MFSD6: variants seen among roughly 807,000 people sequenced by gnomAD.
MFSD6 encodes the protein major facilitator superfamily domain containing 6, also known as major facilitator superfamily domain-containing protein 6.
MFSD6 carries 26 observed loss-of-function variants against 56.3 expected under a neutral mutation model. That is an observed-to-expected ratio of 0.46 (90% CI 0.34 to 0.64). The LOEUF (loss-of-function observed/expected upper bound fraction) is 0.64, where lower values mean the gene tolerates loss of function less well. Among genes scored for constraint, MFSD6 ranks in the 30% least tolerant of loss-of-function variants. The pLI is 0.01. For missense variants in MFSD6, 750 were observed against 986.2 expected (o/e 0.76, Z 3.21); for synonymous variants, 331 against 366.9 (o/e 0.90, Z 1.12).
Position 190,443,230 on chromosome 2 carries a change from G to A in MFSD6, c.1532+5669G>A, listed in dbSNP as rs1324416502. The stretch of plus-strand genomic sequence containing the variant: ...AACAGGACTTTAAGGATTGTATGGT[G>A]GTTACGAGCAGAGGCTGAGTCAGAT... On this transcript the variant is annotated intron_variant, in intron 3 of 7. Transcript: ENST00000392328. The surrounding 1 kb of genome is among the most constrained non-coding windows in gnomAD (Gnocchi z 4.2). Among the ~76,000 whole-genome samples, 2 of 152,116 alleles carry A rather than the reference G, an allele frequency of 1.3e-5. No individual in the cohort carries two copies. Among genetic ancestry groups the A allele is most frequent in the Admixed American group, 1.3e-4 (2 of 15,270 alleles).
chr2:190,471,521 A>G lies in MFSD6; in HGVS notation c.1630+1666A>G, dbSNP rs2125152493. On this transcript the variant is annotated intron_variant, in intron 4 of 7. Transcript: ENST00000392328. This position sits in a 1 kb window ranked among gnomAD's most constrained non-coding sequence, Gnocchi z 4.7. ...GCACAGCAGTCTGAGATCAAACTGC[A>G]AGGCGGCAGTGAGGCTGGGGGAGGG... Among the ~76,000 whole-genome samples the G allele has an allele frequency of 6.6e-6, 1 of 152,332 alleles. No individual in the cohort carries two copies. The highest frequency in any genetic ancestry group is 2.4e-5 in the African/African-American group (1 of 41,568).
chr2:190,491,100 T>C lies in MFSD6; in HGVS notation c.1891+1234T>C, dbSNP rs1483312901. 6.6e-6 allele frequency among the ~76,000 whole-genome samples: 1 copy of C among 152,172 alleles called. No homozygotes were observed. Among genetic ancestry groups the C allele is most frequent in the Admixed American group, 6.5e-5 (1 of 15,278 alleles). ...TGGACTTGAATATCTTTGCTATTAA[T>C]CACAAAAAAATTTAAAATCATTAAT... On this transcript the variant is annotated intron_variant, in intron 6 of 7. Transcript: ENST00000392328. This position sits in a 1 kb window ranked among gnomAD's most constrained non-coding sequence, Gnocchi z 4.2.
Position 190,496,397 on chromosome 2 carries a change from T to A in MFSD6, c.1892-1042T>A, listed in dbSNP as rs1689679783. Among the ~76,000 whole-genome samples the A allele has an allele frequency of 6.6e-6, 1 of 152,192 alleles. No individual in the cohort carries two copies. The highest frequency in any genetic ancestry group is 6.5e-5 in the Admixed American group (1 of 15,284). On this transcript the variant is annotated intron_variant, in intron 6 of 7. Coordinates refer to ENST00000392328, the MANE Select transcript of MFSD6 (RefSeq NM_017694.4). This position sits in a 1 kb window ranked among gnomAD's most constrained non-coding sequence, Gnocchi z 4.7. ...ACACTGCTGGTAGGAATGTAAGCTG[T>A]ACAAACACTATGGAAAACAGTGTGG...
rs2125236185 is a variant in MFSD6, at chr2:190,488,856, T to C, written c.1792+38T>C. On this transcript the variant is annotated intron_variant, in intron 5 of 7. Coordinates refer to ENST00000392328, the MANE Select transcript of MFSD6 (RefSeq NM_017694.4). This position sits in a 1 kb window ranked among gnomAD's most constrained non-coding sequence, Gnocchi z 6.4. ...TTCTCCTTTTTTTTCTTTTCTATTA[T>C]TAAAACATGATTTTTTCCAGCAATA... 1 of 1,495,424 alleles carries C rather than the reference T, an allele frequency of 6.7e-7. No homozygotes were observed. Among genetic ancestry groups the C allele is most frequent in the Middle Eastern group, 1.8e-4 (1 of 5,560 alleles). 92.6% of individuals were successfully genotyped at this position (1,495,424 alleles called of 1,614,324 possible).
intron 3 of MFSD6, among the ~76,000 whole-genome samples, chr2:190,453,349 G>A (rs532653608): frequency 6.6e-6 from 1 of 152,258 alleles, no homozygotes; most frequent in South Asian, 2.1e-4. Context: ...ATGAGATGGG[G>A]AGGATGCCCA....
At position 190,415,648 on chromosome 2, in the gene MFSD6, T is replaced by C. The variant is rs1575814495; in HGVS notation, c.-54+235T>C. On this transcript the variant is annotated intron_variant, in intron 2 of 7. Coordinates refer to ENST00000392328, the MANE Select transcript of MFSD6 (RefSeq NM_017694.4). This position sits in a 1 kb window ranked among gnomAD's most constrained non-coding sequence, Gnocchi z 4.5. ...CATTAGAATTGATAGCTTATGGTAA[T>C]TCTCAAGTTATCAGAACCCTAACAG... Among the ~76,000 whole-genome samples, 1 of 152,318 alleles carries C rather than the reference T, an allele frequency of 6.6e-6. No individual in the cohort carries two copies. Among genetic ancestry groups the C allele is most frequent in the East Asian group, 1.9e-4 (1 of 5,190 alleles).
rs1687333027 is a variant in MFSD6, at chr2:190,461,603, T to C, written c.1533-8155T>C. On this transcript the variant is annotated intron_variant, in intron 3 of 7. Coordinates refer to ENST00000392328, the MANE Select transcript of MFSD6 (RefSeq NM_017694.4). The surrounding 1 kb of genome is among the most constrained non-coding windows in gnomAD (Gnocchi z 5.5). The stretch of plus-strand genomic sequence containing the variant: ...GTTCGGTGACTGGTAAAGGCCTCGT[T>C]CTCTGCCTCCCAGATAGCACCTTGA... 6.6e-6 allele frequency among the ~76,000 whole-genome samples: 1 copy of C among 152,154 alleles called. No homozygotes were observed. Among genetic ancestry groups the C allele is most frequent in the African/African-American group, 2.4e-5 (1 of 41,428 alleles).
At position 190,437,304 on chromosome 2, in the gene MFSD6, C is replaced by T. The variant is rs2125052104; in HGVS notation, c.1275C>T (p.Thr425=). The change falls in exon 3 of 8, where the codon ACC becomes ACT. Residue 425 remains threonine, a synonymous_variant. Transcript: ENST00000392328. The surrounding 1 kb of genome is among the most constrained non-coding windows in gnomAD (Gnocchi z 5.9). ...CAGAGTCCTCTGAGGAGACACCAAC[C>T]ACCACAAGCCACTCGCAGGCCTTCA... is the stretch of plus-strand genomic sequence containing the variant. The part of the protein sequence containing the change: ...NSTESSEETP[T]TTSHSQAFNF... 1 of 1,614,268 alleles carries T rather than the reference C, an allele frequency of 6.2e-7. No individual in the cohort carries two copies. The highest frequency in any genetic ancestry group is 1.6e-4 in the Middle Eastern group (1 of 6,062).
intron 2 of MFSD6, among the ~76,000 whole-genome samples, chr2:190,420,371 C>T (rs1456372163): frequency 3.9e-5 from 6 of 151,984 alleles, no homozygotes; most frequent in Admixed American, 2.0e-4. Context: ...AGAGTTGCCT[C>T]CTCTTATAAG....
At chr2:190,473,913 A>T (rs1469415142) in intron 4 of MFSD6, among the ~76,000 whole-genome samples, 1 of 152,182 alleles carries the variant, frequency 6.6e-6, no homozygotes, top group African/African-American at 2.4e-5. Flanking sequence ...TAAGAAACTC[A>T]CTCAAAACTG....
rs1252870121 is a variant in MFSD6, at chr2:190,463,585, C to CTG, written c.1533-6172_1533-6171dup. On this transcript the variant is annotated intron_variant, in intron 3 of 7. Transcript: ENST00000392328. This position sits in a 1 kb window ranked among gnomAD's most constrained non-coding sequence, Gnocchi z 4.4. Reference sequence around the variant, plus strand: ...CTATAATCCCAGCAACTTTGGGAGGCTGAGATAGGAGGATTGCTTGAGCCC... The same window carrying CTG: ...CTATAATCCCAGCAACTTTGGGAGGCTGTGAGATAGGAGGATTGCTTGAGCCC... 3.3e-5 allele frequency among the ~76,000 whole-genome samples: 5 copies of CTG among 152,288 alleles called. No individual in the cohort carries two copies. The East Asian group carries it at 9.6e-4, about 29-fold the overall frequency.
chr2:190,444,909 T>C, intron 3 of MFSD6: 4 of 823,946 alleles, frequency 4.9e-6, no homozygotes, highest in Non-Finnish European at 5.9e-6. Flanking sequence ...ATCTTTTTCC[T>C]TGTTTTTGCA....
In MFSD6 at chr2:190,492,813, C is replaced by A. The variant is rs1384461936; in HGVS notation, c.1891+2947C>A. On this transcript the variant is annotated intron_variant, in intron 6 of 7. Coordinates refer to ENST00000392328, the MANE Select transcript of MFSD6 (RefSeq NM_017694.4). The surrounding 1 kb of genome is among the most constrained non-coding windows in gnomAD (Gnocchi z 5.2). ...TACCAAGCCAGCACTCCAAGAACTACCAAGCCAGAACTACAAGAATTTGCC... is the reference window on the plus strand; with the variant it reads ...TACCAAGCCAGCACTCCAAGAACTAACAAGCCAGAACTACAAGAATTTGCC... 6.6e-6 allele frequency among the ~76,000 whole-genome samples: 1 copy of A among 151,934 alleles called. No individual in the cohort carries two copies. Among genetic ancestry groups the A allele is most frequent in the Non-Finnish European group, 1.5e-5 (1 of 67,982 alleles).
rs1316703653 is a variant in MFSD6, at chr2:190,434,408, G to A, written c.-53-1569G>A. 1.3e-5 allele frequency among the ~76,000 whole-genome samples: 2 copies of A among 151,962 alleles called. No homozygotes were observed. The highest frequency in any genetic ancestry group is 2.9e-5 in the Non-Finnish European group (2 of 67,998). ...TATATAAATGTATATTGCTAATATC[G>A]TATATGAAAAACATTTATTTATTTT... On this transcript the variant is annotated intron_variant, in intron 2 of 7. Transcript: ENST00000392328. The surrounding 1 kb of genome is among the most constrained non-coding windows in gnomAD (Gnocchi z 4.3).
rs368069901 is a variant in MFSD6 at position 190,437,310 on chromosome 2, A to G, written c.1281A>G (p.Thr427=). ...CCTCTGAGGAGACACCAACCACCAC[A>G]AGCCACTCGCAGGCCTTCAACTTTT... ...TESSEETPTT[T]SHSQAFNFWD... Residue 427 remains threonine, a synonymous_variant, in exon 3 of 8, where the codon ACA becomes ACG. Coordinates refer to ENST00000392328, the MANE Select transcript of MFSD6 (RefSeq NM_017694.4). This position sits in a 1 kb window ranked among gnomAD's most constrained non-coding sequence, Gnocchi z 5.9. 9.3e-6 allele frequency: 15 copies of G among 1,614,126 alleles called. No homozygotes were observed. Among genetic ancestry groups the G allele is most frequent in the Non-Finnish European group, 1.3e-5 (15 of 1,180,056 alleles).
In MFSD6 at chr2:190,489,574, T is replaced by C. The variant is rs76091001; in HGVS notation, c.1793-194T>C. Among the ~76,000 whole-genome samples the C allele has an allele frequency of 3.6e-3, 553 of 152,346 alleles. 6 individuals are homozygous for C. Among genetic ancestry groups the C allele is most frequent in the African/African-American group, 0.012 (501 of 41,576 alleles). On this transcript the variant is annotated intron_variant, in intron 5 of 7. Transcript: ENST00000392328. The surrounding 1 kb of genome is among the most constrained non-coding windows in gnomAD (Gnocchi z 6.6). ...TATAATCGATCAATGACAGATCCAA[T>C]ATCAGCCCTGGGTCTCTTGACACGT...
chr2:190,434,585 C>T lies in MFSD6; in HGVS notation c.-53-1392C>T, dbSNP rs544731813. Among the ~76,000 whole-genome samples, 31 of 152,250 alleles carry T rather than the reference C, an allele frequency of 2.0e-4. No homozygotes were observed. In the South Asian group the frequency reaches 3.3e-3, roughly 16 times the overall value. On this transcript the variant is annotated intron_variant, in intron 2 of 7. Transcript: ENST00000392328. The surrounding 1 kb of genome is among the most constrained non-coding windows in gnomAD (Gnocchi z 4.3). ...CAAGTAGCTGGGACTACATGCGTGC[C>T]ACCAGGCCCAGCTAATTCTTGTACT... is the stretch of plus-strand genomic sequence containing the variant.
intron 1 of MFSD6, among the ~76,000 whole-genome samples, chr2:190,408,737 A>C (rs1272186106): frequency 7.5e-5 from 11 of 145,716 alleles, no homozygotes; most frequent in African/African-American, 2.8e-4. Flanking sequence ...GTCGGGTGTC[A>C]TCTTTGTGGG....
rs1690805386 is a variant in MFSD6, at chr2:190,417,023, T to C, written c.-54+1610T>C. ...ATATGTTATGTTCTAGATTCCTCCC[T>C]CGAGGGGTATACAGTCTTGTTGGGC... On this transcript the variant is annotated intron_variant, in intron 2 of 7. Transcript: ENST00000392328. This position sits in a 1 kb window ranked among gnomAD's most constrained non-coding sequence, Gnocchi z 5.7. Among the ~76,000 whole-genome samples, 1 of 152,132 alleles carries C rather than the reference T, an allele frequency of 6.6e-6. No individual in the cohort carries two copies. Among genetic ancestry groups the C allele is most frequent in the South Asian group, 2.1e-4 (1 of 4,822 alleles).
Sources: gnomAD v4.1 joint callset for allele counts (sites outside exome capture counted in the v4.1 genomes callset) on GRCh38, gnomAD v4.1.1 for gene constraint, Gnocchi (gnomAD v3.1) non-coding constraint, MANE v1.5 for transcripts, NCBI Gene and HGNC (gene_info 2026-07-23, HGNC 2026-07-21) for gene names.